The following FRS2 variants were observed in gnomAD, a reference collection of about 807,000 sequenced individuals.
FRS2 encodes the protein FGFR signalling adaptor.
In FRS2, 8 loss-of-function variants were observed where a neutral mutation model predicts 43.9. The observed-to-expected ratio is 0.18, with a 90% confidence interval of 0.11 to 0.33. The LOEUF (loss-of-function observed/expected upper bound fraction) is 0.33, where lower values mean the gene tolerates loss of function less well. FRS2 is among the 10% of genes least tolerant of loss of function. The pLI is 1.00. For missense variants in FRS2, 534 were observed against 627.6 expected, an observed-to-expected ratio of 0.85 and a Z score of 1.59; for synonymous variants, 219 against 220.3, an observed-to-expected ratio of 0.99 and a Z score of 0.05.
intron 3 of FRS2, among the ~76,000 whole-genome samples, chr12:69,536,564 G>GTT (rs1187962974): frequency 1.7e-4 from 23 of 134,736 alleles, no homozygotes; most frequent in African/African-American, 5.9e-4. Context: ...GATAGATTTA[G>GTT]TTTTTTTTTT....
At chr12:69,477,441 C>T (rs1870914629) in intron 1 of FRS2, among the ~76,000 whole-genome samples, 1 of 151,578 alleles carries the variant, frequency 6.6e-6, no homozygotes, top group South Asian at 2.1e-4. Flanking sequence ...CGCCAACACG[C>T]CTGGCTAATT....
chr12:69,492,011 G>C, intron 1 of FRS2, among the ~76,000 whole-genome samples: 1 of 152,156 alleles, frequency 6.6e-6, no homozygotes, highest in South Asian at 2.1e-4. Context: ...TTACTAGTTT[G>C]GTTATATGCT....
intron 3 of FRS2, among the ~76,000 whole-genome samples, chr12:69,543,599 A>G (rs1878108611): frequency 6.6e-6 from 1 of 151,908 alleles, no homozygotes; most frequent in African/African-American, 2.4e-5. Context: ...GTGTAGCATC[A>G]TGGGCTAGTG....
chr12:69,485,942 C>A (rs1462463955), intron 1 of FRS2, among the ~76,000 whole-genome samples: 1 of 152,164 alleles, frequency 6.6e-6, no homozygotes, highest in African/African-American at 2.4e-5. Flanking sequence ...TAAAAAATAA[C>A]ATTTTTTTAT....
intron 4 of FRS2, among the ~76,000 whole-genome samples, chr12:69,564,423 T>C (rs1880116428): frequency 6.6e-6 from 1 of 152,134 alleles, no homozygotes; most frequent in African/African-American, 2.4e-5. Context: ...CATACTTATG[T>C]ACTTAACTAT....
chr12:69,518,996 CAAAAAA>C (rs35495239), intron 1 of FRS2, among the ~76,000 whole-genome samples: 32 of 98,560 alleles, frequency 3.2e-4, no homozygotes, highest in Middle Eastern at 4.7e-3. Context: ...AACTCCGTCT[CAAAAAA>C]AAAAAAAAAA....
rs530556545 is a variant in FRS2, at chr12:69,574,030, G to T, written c.602G>T (p.Gly201Val). ...EQVHTYVNTT[G>V]VQEERKNRTS... Reference sequence around the variant, plus strand: ...GTACATACCTATGTCAACACTACAGGTGTGCAAGAAGAGCGGAAAAACCGC... The same window carrying T: ...GTACATACCTATGTCAACACTACAGTTGTGCAAGAAGAGCGGAAAAACCGC... Residue 201 changes from glycine to valine, a missense_variant, in exon 9 of 9, where the codon GGT (glycine) becomes GTT (valine). This residue lies in a region of FRS2 where 446 missense variants were observed against 494.2 expected (regional missense o/e 0.90). Coordinates refer to ENST00000549921, the MANE Select transcript of FRS2 (RefSeq NM_001278356.2). The T allele has an allele frequency of 3.1e-6, 5 of 1,613,222 alleles. No individual in the cohort carries two copies. Among genetic ancestry groups the T allele is most frequent in the East Asian group, 2.2e-5 (1 of 44,876 alleles).
intron 5 of FRS2, 80 bp downstream of exon 5, chr12:69,569,176 C>T: frequency 2.5e-6 from 2 of 804,266 alleles, no homozygotes; most frequent in South Asian, 3.3e-5. Context: ...TATCTTATTT[C>T]TGGCTTTTAT....
chr12:69,541,491 A>T (rs1459564365), intron 3 of FRS2, among the ~76,000 whole-genome samples: 1 of 152,158 alleles, frequency 6.6e-6, no homozygotes, highest in Non-Finnish European at 1.5e-5. Flanking sequence ...CATTAATATT[A>T]TTAGGCCCAG....
intron 1 of FRS2, among the ~76,000 whole-genome samples, chr12:69,512,612 A>G (rs754311053): frequency 2.0e-5 from 3 of 152,168 alleles, no homozygotes; most frequent in Non-Finnish European, 4.4e-5. Context: ...GTGTTTAGGT[A>G]TATGTTCTGA....
At chr12:69,565,464 A>G (rs1418970825) in intron 4 of FRS2, among the ~76,000 whole-genome samples, 2 of 152,304 alleles carry the variant, frequency 1.3e-5, no homozygotes, top group East Asian at 1.9e-4. Flanking sequence ...TTACTTTATA[A>G]CCTTTTAATT....
chr12:69,549,511 GACA>G (rs1350316633), intron 3 of FRS2, among the ~76,000 whole-genome samples: 1 of 152,042 alleles, frequency 6.6e-6, no homozygotes, highest in African/African-American at 2.4e-5. Context: ...TGTTTTTAGA[GACA>G]ACATCACACT....
rs1881105354 is a variant in FRS2 at position 69,575,166 on chromosome 12, A to G, written c.*211A>G. 2.1e-6 allele frequency: 1 copy of G among 480,304 alleles called. No homozygotes were observed. The highest frequency in any genetic ancestry group is 3.7e-6 in the Non-Finnish European group (1 of 273,566). 29.8% of individuals were successfully genotyped at this position (480,304 alleles called of 1,614,324 possible). ...TTTCATTATATACTACTCGTTGTAC[A>G]GCAGCATTCCCGTTTTCACAGTGCC... is the stretch of plus-strand genomic sequence containing the variant. On this transcript the variant is annotated 3_prime_UTR_variant, in exon 9 of 9. Coordinates refer to ENST00000549921, the MANE Select transcript of FRS2 (RefSeq NM_001278356.2).
At chr12:69,524,640 C>A (rs1433488912) in intron 1 of FRS2, among the ~76,000 whole-genome samples, 8 of 152,100 alleles carry the variant, frequency 5.3e-5, no homozygotes, top group Non-Finnish European at 4.4e-5. Context: ...GAGTTCAGAT[C>A]TGACAGTTTC....
chr12:69,559,473 G>C (rs1593054305), intron 3 of FRS2, among the ~76,000 whole-genome samples: 1 of 151,970 alleles, frequency 6.6e-6, no homozygotes, highest in Non-Finnish European at 1.5e-5. Context: ...ACTAAAGAAA[G>C]ATCTGTTTAG....
At position 69,477,258 on chromosome 12, in the gene FRS2, A is replaced by T. The variant is rs1011175794; in HGVS notation, c.-261+6728A>T. On this transcript the variant is annotated intron_variant, in intron 1 of 8. Coordinates refer to ENST00000549921, the MANE Select transcript of FRS2 (RefSeq NM_001278356.2). The stretch of plus-strand genomic sequence containing the variant: ...TTTGCTATCTTACATGCATGTCGAC[A>T]GTATTTTAAAATACTTTTTTTTTTT... Among the ~76,000 whole-genome samples, 48 of 149,130 alleles carry T rather than the reference A, an allele frequency of 3.2e-4. 1 individual carries two copies. The highest frequency in any genetic ancestry group is 1.2e-3 in the African/African-American group (48 of 40,396).
intron 3 of FRS2, among the ~76,000 whole-genome samples, chr12:69,551,822 A>G (rs897876101): frequency 4.6e-5 from 7 of 152,030 alleles, no homozygotes; most frequent in African/African-American, 1.7e-4. Context: ...GGTCCAAACA[A>G]CTTTTCATTT....
intron 1 of FRS2, among the ~76,000 whole-genome samples, chr12:69,525,815 G>T (rs933508884): frequency 6.6e-6 from 1 of 150,688 alleles, no homozygotes; most frequent in East Asian, 1.9e-4. Flanking sequence ...TAGAAGACTA[G>T]CATATGTATT....
intron 3 of FRS2, among the ~76,000 whole-genome samples, chr12:69,553,077 T>C (rs1879041093): frequency 6.6e-6 from 1 of 152,220 alleles, no homozygotes; most frequent in African/African-American, 2.4e-5. Context: ...GTTTTTGTTT[T>C]TGTTTTTAGA....
Sources: allele counts gnomAD v4.1 joint callset (sites outside exome capture counted in the v4.1 genomes callset), GRCh38; gene constraint gnomAD v4.1.1; regional missense constraint gnomAD v4.1.1; transcripts MANE v1.5; gene names NCBI Gene and HGNC (gene_info 2026-07-23, HGNC 2026-07-21).